Variants in AMER1 observed in about 807,000 individuals in gnomAD.
AMER1 encodes the protein APC membrane recruitment protein 1, also known as RP11-403E24.2.
A neutral mutation model predicts 53.0 loss-of-function variants in AMER1; 16 were observed. The ratio of observed to expected loss-of-function variants is 0.30; its 90% CI spans 0.20 to 0.46. The LOEUF (loss-of-function observed/expected upper bound fraction) is 0.46, where lower values mean the gene tolerates loss of function less well. Ranked by LOEUF, AMER1 falls within the 20% of genes least tolerant of loss-of-function variation. The pLI is 1.00. For synonymous variants in AMER1, 354 were observed against 331.9 expected (o/e 1.07, Z -0.73); for missense variants, 947 against 884.9 (o/e 1.07, Z -0.89).
intron 1 of AMER1, among the ~76,000 whole-genome samples, chrX:64,194,470 G>T (rs923903434): frequency 9.0e-6 from 1 of 111,479 alleles, no homozygotes; most frequent in Admixed American, 9.5e-5. Context: ...ATAAAAACAA[G>T]ACCTAGCCAC....
In AMER1 at chrX:64,185,920, T is replaced by C. The variant is rs970995448; in HGVS notation, c.*3959A>G. 7.3e-5 allele frequency: 28 copies of C among 383,345 alleles called. No homozygotes were observed. Among genetic ancestry groups the C allele is most frequent in the Non-Finnish European group, 1.3e-4 (28 of 222,533 alleles). 31.6% of individuals were successfully genotyped at this position (383,345 alleles called of 1,213,427 possible). On this transcript the variant is annotated 3_prime_UTR_variant, in exon 2 of 2. Coordinates refer to ENST00000374869, the MANE Select transcript of AMER1 (RefSeq NM_152424.4). ...CCTTCCTTCCCCATTGGGTGGAGAA[T>C]GTTCCCAAAATGCTCCTTTGGAGAA...
At chrX:64,198,890 G>A (rs1296754372) in intron 1 of AMER1, among the ~76,000 whole-genome samples, 1 of 112,370 alleles carries the variant, frequency 8.9e-6, no homozygotes, top group African/African-American at 3.2e-5. Context: ...CTGCCAACGT[G>A]GACAAAGATG....
intron 1 of AMER1, among the ~76,000 whole-genome samples, chrX:64,200,458 C>A (rs1055836488): frequency 8.9e-6 from 1 of 112,059 alleles, no homozygotes; most frequent in Non-Finnish European, 1.9e-5. Flanking sequence ...GAGTGTGATT[C>A]GAGGAAGAAC....
Position 64,185,695 on chromosome X carries a change from G to GTATCATTAAAAA in AMER1, c.*4183_*4184insTTTTTAATGATA. The GTATCATTAAAAA allele has an allele frequency of 5.6e-6, 1 of 180,007 alleles. No individual in the cohort carries two copies. Among genetic ancestry groups the GTATCATTAAAAA allele is most frequent in the Admixed American group, 7.3e-5 (1 of 13,634 alleles). The allele number at this position is 180,007 out of a possible 1,213,427, so 14.8% of individuals were successfully genotyped here. ...CAGGGGAGGGGGAATGGTGGTAGGG[G>GTATCATTAAAAA]AGGAGATTCCCCCAAAGCAGCAAGA... is the stretch of plus-strand genomic sequence containing the variant. On this transcript the variant is annotated 3_prime_UTR_variant, in exon 2 of 2. Coordinates refer to ENST00000374869, the MANE Select transcript of AMER1 (RefSeq NM_152424.4).
chrX:64,192,886 T>G lies in AMER1; in HGVS notation c.401A>C (p.His134Pro), dbSNP rs146489129. Residue 134 changes from histidine (H) to proline (P), a missense_variant, in exon 2 of 2, where the codon CAT (histidine) becomes CCT (proline). Physicochemically the swap from His to Pro is moderately conservative, Grantham distance 77. Transcript: ENST00000374869. ...PCQFPSSQSA[H>P]GALETGSRCK... ...TCTGGAGCCTGTCTCCAAAGCCCCA[T>G]GGGCACTCTGAGAGCTGGGAAATTG... 1.8e-3 allele frequency: 2,204 copies of G among 1,210,471 alleles called. 2 individuals carry two copies. The highest frequency in any genetic ancestry group is 2.1e-3 in the Non-Finnish European group (1,899 of 895,329).
chrX:64,194,626 A>G (rs1381550997), intron 1 of AMER1, among the ~76,000 whole-genome samples: 1 of 110,740 alleles, frequency 9.0e-6, no homozygotes, highest in African/African-American at 3.3e-5. Flanking sequence ...GGAATCTGGG[A>G]GGAGAGGGGA....
chrX:64,188,749 C>A lies in AMER1; in HGVS notation c.*1130G>T. ...CTCTGCATGGTCTGAAATCCCCTTT[C>A]TTGCTGGCTGTGATAAATGGACCCT... On this transcript the variant is annotated 3_prime_UTR_variant, in exon 2 of 2. Coordinates refer to ENST00000374869, the MANE Select transcript of AMER1 (RefSeq NM_152424.4). 1.2e-6 allele frequency: 1 copy of A among 802,455 alleles called. No individual in the cohort carries two copies. The highest frequency in any genetic ancestry group is 2.2e-5 in the African/African-American group (1 of 45,990). 66.1% of individuals were successfully genotyped at this position (802,455 alleles called of 1,213,427 possible).
chrX:64,189,793 A>ACGGGGC lies in AMER1; in HGVS notation c.*85_*86insGCCCCG. ...CAAAGGGTTTTCAAGTTAAACAACA[A>ACGGGGC]CCCCCACCCCCCCACCCTTCTGCCC... On this transcript the variant is annotated 3_prime_UTR_variant, in exon 2 of 2. Transcript: ENST00000374869. 6.2e-5 allele frequency: 18 copies of ACGGGGC among 292,009 alleles called. No homozygotes were observed. The highest frequency in any genetic ancestry group is 3.4e-4 in the East Asian group (2 of 5,962). 24.1% of individuals were successfully genotyped at this position (292,009 alleles called of 1,213,427 possible). A position where few individuals can be genotyped will look rare whatever the true frequency, so the allele number is the denominator to read the frequency against.
At chrX:64,205,084 A>G (rs1264434597) in intron 1 of AMER1, among the ~76,000 whole-genome samples, 1 of 113,496 alleles carries the variant, frequency 8.8e-6, no homozygotes, top group Non-Finnish European at 1.9e-5. Context: ...AAGGAGGGAG[A>G]GGCTGGAGAT....
At chrX:64,205,385 G>T (rs892157406) in intron 1 of AMER1, among the ~76,000 whole-genome samples, 185 bp downstream of exon 1, 2 of 106,267 alleles carry the variant, frequency 1.9e-5, no homozygotes, top group African/African-American at 6.9e-5. Flanking sequence ...GTGCCCAGGG[G>T]ACTCAAGGCC....
At position 64,186,312 on chromosome X, in the gene AMER1, T is replaced by A. The variant is rs1031089379; in HGVS notation, c.*3567A>T. ...GCAGCAATTTTTGTGTCATCTTTGT[T>A]TTGTTTAAAACTGTAAACAGCACCG... On this transcript the variant is annotated 3_prime_UTR_variant, in exon 2 of 2. Transcript: ENST00000374869. 3 of 1,041,123 alleles carry A rather than the reference T, an allele frequency of 2.9e-6. No homozygotes were observed. The African/African-American group carries it at 5.7e-5, about 20-fold the overall frequency. The allele number at this position is 1,041,123 out of a possible 1,213,427, so 85.8% of individuals were successfully genotyped here. A position where few individuals can be genotyped will look rare whatever the true frequency, so the allele number is the denominator to read the frequency against.
chrX:64,193,439 C>T (rs1433432102), intron 1 of AMER1, 55 bp from the exon 2 acceptor site: 9 of 865,503 alleles, frequency 1.0e-5, no homozygotes, highest in Non-Finnish European at 8.1e-6. Context: ...GAGCAAGCAT[C>T]CAGGCTGGGT....
chrX:64,193,516 C>T, intron 1 of AMER1, 132 bp from the exon 2 acceptor site: 1 of 477,348 alleles, frequency 2.1e-6, no homozygotes, highest in Non-Finnish European at 3.5e-6. Flanking sequence ...TGGGGCAAAT[C>T]TTAATCCACT....
At chrX:64,204,739 T>TGAGGC (rs1930562234) in intron 1 of AMER1, among the ~76,000 whole-genome samples, 3 of 111,991 alleles carry the variant, frequency 2.7e-5, no homozygotes, top group Admixed American at 9.3e-5. Flanking sequence ...GAAAAGGAGG[T>TGAGGC]GAGGCGAGGC....
rs1175084390 is a variant in AMER1, at chrX:64,192,656, C to T, written c.631G>A (p.Ala211Thr). 4.3e-6 allele frequency: 5 copies of T among 1,165,423 alleles called. No individual in the cohort carries two copies. Among genetic ancestry groups the T allele is most frequent in the Admixed American group, 2.6e-5 (1 of 37,931 alleles). Residue 211 changes from alanine to threonine, a missense_variant, in exon 2 of 2, where the codon GCC becomes ACC. Physicochemically the swap from Ala to Thr is moderately conservative, Grantham distance 58. Transcript: ENST00000374869. ...TCCTCAAAGCAGGGCACCTGAGGGG[C>T]TGAGCTCACGTGCTCATGAGGCCTG... ...RARPHEHVSSAPQVPCFEETF... is the reference protein window; with the variant it reads ...RARPHEHVSSTPQVPCFEETF...
Position 64,189,492 on chromosome X carries a change from G to A in AMER1, c.*387C>T. On this transcript the variant is annotated 3_prime_UTR_variant, in exon 2 of 2. Coordinates refer to ENST00000374869, the MANE Select transcript of AMER1 (RefSeq NM_152424.4). ...TGTGTGTGTGTGTATGTATGTGTGT[G>A]TGTGTGTGTGTGTGTGTGTGTGTAT... The A allele has an allele frequency of 4.1e-5, 4 of 97,042 alleles. No homozygotes were observed. The highest frequency in any genetic ancestry group is 5.2e-5 in the Non-Finnish European group (4 of 77,237). 8.0% of individuals were successfully genotyped at this position (97,042 alleles called of 1,213,427 possible).
At position 64,190,962 on chromosome X, in the gene AMER1, C is replaced by T. The variant is rs1473620550; in HGVS notation, c.2325G>A (p.Glu775=). The T allele has an allele frequency of 2.5e-6, 3 of 1,209,768 alleles. No individual in the cohort carries two copies. The South Asian group carries it at 5.3e-5, about 21-fold the overall frequency. Residue 775 remains glutamate, a synonymous_variant, in exon 2 of 2, where the codon GAG becomes GAA. Transcript: ENST00000374869. ...ATVSFSQALV[E]FTSNGNLFSS... ...AAAAGAGGTTCCCATTGCTGGTGAA[C>T]TCTACCAGGGCCTGTGAGAAACTCA...
intron 1 of AMER1, among the ~76,000 whole-genome samples, chrX:64,198,097 T>G (rs1435029870): frequency 9.0e-6 from 1 of 111,528 alleles, no homozygotes; most frequent in Non-Finnish European, 1.9e-5. Context: ...TGGCAAATGG[T>G]AAATGAAGAT....
At position 64,193,262 on chromosome X, in the gene AMER1, C is replaced by G. The variant is rs756853564; in HGVS notation, c.25G>C (p.Ala9Pro). 1 of 1,211,770 alleles carries G rather than the reference C, an allele frequency of 8.3e-7. No individual in the cohort carries two copies. The highest frequency in any genetic ancestry group is 3.0e-5 in the East Asian group (1 of 33,834). METQKDEA[A>P]QAKGAAASGS... is the part of the protein sequence containing the mutation. ...GAGGCTGCAGCTCCCTTGGCCTGAG[C>G]AGCTTCATCCTTTTGGGTCTCCATG... is the stretch of plus-strand genomic sequence containing the variant. Residue 9 changes from alanine to proline, a missense_variant, in exon 2 of 2, where the codon GCT (alanine) becomes CCT (proline). Ala to Pro is a conservative substitution (Grantham distance 27). Coordinates refer to ENST00000374869, the MANE Select transcript of AMER1 (RefSeq NM_152424.4).
Sources: allele counts gnomAD v4.1 joint callset (sites outside exome capture counted in the v4.1 genomes callset), GRCh38; gene constraint gnomAD v4.1.1; transcripts MANE v1.5; gene names NCBI Gene and HGNC (gene_info 2026-07-23, HGNC 2026-07-21).